Variants in DDC observed in about 807,000 individuals in gnomAD.
DDC encodes the protein dopa decarboxylase, also known as aromatic-L-amino-acid decarboxylase.
A neutral mutation model predicts 60.0 loss-of-function variants in DDC; 43 were observed. That is an observed-to-expected ratio of 0.72 (90% confidence interval 0.56 to 0.92). The LOEUF (loss-of-function observed/expected upper bound fraction) is 0.92, where lower values mean the gene tolerates loss of function less well. Ranked by LOEUF, DDC falls within the 40% of genes least tolerant of loss-of-function variation. The pLI, the probability that DDC is intolerant of heterozygous loss-of-function variation, is 0.00. For missense variants in DDC, 573 were observed against 620.2 expected, an observed-to-expected ratio of 0.92 and a Z score of 0.81; for synonymous variants, 232 against 234.6, an observed-to-expected ratio of 0.99 and a Z score of 0.10.
intron 3 of DDC, 164 bp downstream of exon 3, chr7:50,539,751 G>T: frequency 3.1e-6 from 2 of 637,024 alleles, no homozygotes; most frequent in Admixed American, 2.2e-5. Context: ...TTTCTCAGAG[G>T]CACTCTCTCT....
At chr7:50,517,946 A>C (rs2043782308) in intron 6 of DDC, among the ~76,000 whole-genome samples, 1 of 151,880 alleles carries the variant, frequency 6.6e-6, no homozygotes, top group African/African-American at 2.4e-5. Context: ...CTGGTGGCTC[A>C]CACTTGTAAT....
chr7:50,511,419 A>G (rs557428054), intron 6 of DDC, among the ~76,000 whole-genome samples: 2 of 152,166 alleles, frequency 1.3e-5, no homozygotes, highest in South Asian at 2.1e-4. Flanking sequence ...TAACCCCAAC[A>G]CTTTGGGAGG....
intron 4 of DDC, among the ~76,000 whole-genome samples, chr7:50,530,726 C>T (rs1034740101): frequency 1.3e-5 from 2 of 151,890 alleles, no homozygotes; most frequent in South Asian, 4.2e-4. Flanking sequence ...TTAAGTAAGT[C>T]GTAGAAGAAA....
intron 6 of DDC, among the ~76,000 whole-genome samples, chr7:50,510,937 C>T (rs1186777782): frequency 5.0e-5 from 7 of 140,114 alleles, no homozygotes; most frequent in South Asian, 2.3e-4. Context: ...GCCGAGATAG[C>T]GCCACTGCAC....
In DDC at chr7:50,475,292, A is replaced by C. The variant is rs77443092; in HGVS notation, c.1041+1332T>G. Among the ~76,000 whole-genome samples, 467 of 152,334 alleles carry C rather than the reference A, an allele frequency of 3.1e-3. 3 individuals are homozygous for C. The highest frequency in any genetic ancestry group is 0.011 in the African/African-American group (445 of 41,574). On this transcript the variant is annotated intron_variant, in intron 11 of 14. Coordinates refer to ENST00000444124, the MANE Select transcript of DDC (RefSeq NM_001082971.2). ...ATTATTGTCATATTTTCCCTTCAAT[A>C]ATAACTTTCCAAAAGATAAGTCAGA...
At chr7:50,483,043 G>T (rs1562992669) in intron 9 of DDC, among the ~76,000 whole-genome samples, 1 of 151,908 alleles carries the variant, frequency 6.6e-6, no homozygotes, top group South Asian at 2.1e-4. Flanking sequence ...GGAAAGTCCA[G>T]TGTTGAATAG....
chr7:50,501,252 C>T (rs765593357), intron 7 of DDC, among the ~76,000 whole-genome samples: 1 of 152,250 alleles, frequency 6.6e-6, no homozygotes, highest in African/African-American at 2.4e-5. Context: ...TATGCTGGCA[C>T]CTCAGGATGC....
chr7:50,513,487 CG>C (rs1563017785), intron 6 of DDC, among the ~76,000 whole-genome samples: 1 of 152,162 alleles, frequency 6.6e-6, no homozygotes, highest in Non-Finnish European at 1.5e-5. Context: ...GGCCAGAACT[CG>C]GGGACGGTGC....
chr7:50,484,244 G>A (rs1485625675), intron 9 of DDC, among the ~76,000 whole-genome samples: 1 of 152,158 alleles, frequency 6.6e-6, no homozygotes, highest in East Asian at 1.9e-4. Flanking sequence ...ATCTGGCTTT[G>A]TCGATCCTCT....
Position 50,499,207 on chromosome 7 carries a change from C to T in DDC, c.817G>A (p.Ala273Thr). Residue 273 changes from alanine to threonine, a missense_variant, in exon 8 of 15, where the codon GCC becomes ACC. Physicochemically the swap from Ala to Thr is moderately conservative, Grantham distance 58. Coordinates refer to ENST00000444124, the MANE Select transcript of DDC (RefSeq NM_001082971.2). ...CAGATGAATGCACTGCCTGCGTAGG[C>T]TGCATCAACGTGCAGCCATATGTCT... is the stretch of plus-strand genomic sequence containing the variant. ...KEDIWLHVDA[A>T]YAGSAFICPE... is the part of the protein sequence containing the mutation. 1 of 1,613,944 alleles carries T rather than the reference C, an allele frequency of 6.2e-7. No individual in the cohort carries two copies. Among genetic ancestry groups the T allele is most frequent in the Non-Finnish European group, 8.5e-7 (1 of 1,179,992 alleles).
chr7:50,530,124 C>T (rs573182819), intron 4 of DDC, among the ~76,000 whole-genome samples: 19 of 152,014 alleles, frequency 1.2e-4, no homozygotes, highest in Non-Finnish European at 2.6e-4. Context: ...GGCATGGTGG[C>T]GTGCCTGGTA....
At chr7:50,463,179 G>A (rs2042320449) in intron 14 of DDC, 34 bp downstream of exon 14, 2 of 1,535,078 alleles carry the variant, frequency 1.3e-6, no homozygotes, top group Non-Finnish European at 1.8e-6. Context: ...ACGGGACAAG[G>A]AGACAGGCAG....
At chr7:50,502,566 C>A (rs2043284271) in intron 7 of DDC, among the ~76,000 whole-genome samples, 1 of 152,244 alleles carries the variant, frequency 6.6e-6, no homozygotes, top group African/African-American at 2.4e-5. Context: ...GCTGTGGCTG[C>A]AGTCCTGAGT....
intron 6 of DDC, among the ~76,000 whole-genome samples, chr7:50,517,481 G>A (rs994952048): frequency 1.3e-5 from 2 of 152,102 alleles, no homozygotes; most frequent in African/African-American, 4.8e-5. Flanking sequence ...ACTGAATGGG[G>A]AAAAGTTGAA....
chr7:50,531,745 G>A (rs1350245601), intron 4 of DDC: 1 of 152,148 alleles, frequency 6.6e-6, no homozygotes, highest in Non-Finnish European at 1.5e-5. Context: ...ATGATGTCAG[G>A]TGGAGCTCTC....
chr7:50,532,231 C>T (rs2044239570), intron 4 of DDC, among the ~76,000 whole-genome samples: 1 of 152,148 alleles, frequency 6.6e-6, no homozygotes, highest in Admixed American at 6.5e-5. Context: ...GGGTGAGCTT[C>T]CGGTGGCAAA....
At chr7:50,462,226 C>CAAAAAAAAAAAAAAA (rs11410259) in intron 14 of DDC, among the ~76,000 whole-genome samples, 23 of 75,352 alleles carry the variant, frequency 3.1e-4, no homozygotes, top group East Asian at 8.9e-4. Context: ...GACAAAAAGA[C>CAAAAAAAAAAAAAAA]AAAAAAAAAA....
At chr7:50,489,954 G>T in intron 9 of DDC, among the ~76,000 whole-genome samples, 1 of 152,266 alleles carries the variant, frequency 6.6e-6, no homozygotes, top group East Asian at 1.9e-4. Flanking sequence ...AGATTTAATT[G>T]GCCTCATACT....
At chr7:50,511,000 A>C (rs2043554429) in intron 6 of DDC, among the ~76,000 whole-genome samples, 2 of 149,898 alleles carry the variant, frequency 1.3e-5, no homozygotes, top group Non-Finnish European at 3.0e-5. Flanking sequence ...AAAAAAAAAA[A>C]AAACTCAACT....
Sources: gnomAD v4.1 joint callset for allele counts (sites outside exome capture counted in the v4.1 genomes callset) on GRCh38, gnomAD v4.1.1 for gene constraint, MANE v1.5 for transcripts, NCBI Gene and HGNC (gene_info 2026-07-23, HGNC 2026-07-21) for gene names.